Variants in SLC35F2 observed in about 807,000 individuals in gnomAD.
SLC35F2 encodes solute carrier family 35 member F2, also known as queuine/queuosine transporter SLC35F2.
SLC35F2 carries 25 observed loss-of-function variants against 38.1 expected under a neutral mutation model. The ratio of observed to expected loss-of-function variants is 0.66; its 90% CI spans 0.48 to 0.92. The LOEUF (loss-of-function observed/expected upper bound fraction) is 0.92. Among genes scored for constraint, SLC35F2 ranks in the 40% least tolerant of loss-of-function variants. The pLI, the probability that SLC35F2 is intolerant of heterozygous loss-of-function variation, is 0.00. For missense variants in SLC35F2, 409 were observed against 452.9 expected (o/e 0.90, Z 0.88); for synonymous variants, 173 against 181.7 (o/e 0.95, Z 0.38).
At chr11:107,800,503 A>G (rs183194165) in intron 7 of SLC35F2, among the ~76,000 whole-genome samples, 1 of 152,342 alleles carries the variant, frequency 6.6e-6, no homozygotes, top group Non-Finnish European at 1.5e-5. Flanking sequence ...ATTATCAGGT[A>G]ACAGCCAGCA....
In SLC35F2 at chr11:107,829,664, C is replaced by G. The variant is rs536987952; in HGVS notation, c.111-13699G>C. On this transcript the variant is annotated intron_variant, in intron 1 of 7. Transcript: ENST00000525815. ...ACCTCTTGATGGTAGTACATAATAC[C>G]TATGAAATCTCACAAAAAAAAAAAA... Among the ~76,000 whole-genome samples the G allele has an allele frequency of 7.9e-4, 113 of 142,834 alleles. 3 individuals carry two copies. In the South Asian group the frequency reaches 0.024, roughly 31 times the overall value. 93.7% of individuals were successfully genotyped at this position (142,834 alleles called of 152,430 possible).
At chr11:107,814,326 G>A (rs1221483173) in intron 2 of SLC35F2, among the ~76,000 whole-genome samples, 3 of 151,924 alleles carry the variant, frequency 2.0e-5, no homozygotes, top group African/African-American at 4.8e-5. Flanking sequence ...GTGGTGGCAC[G>A]TGCCTGTAAT....
At chr11:107,848,479 T>C (rs1189648169) in intron 1 of SLC35F2, among the ~76,000 whole-genome samples, 1 of 152,140 alleles carries the variant, frequency 6.6e-6, no homozygotes, top group Non-Finnish European at 1.5e-5. Flanking sequence ...TGGGAGATGA[T>C]AAGGTCATGA....
chr11:107,811,795 C>CTTT lies in SLC35F2; in HGVS notation c.287-2_287-1insAAA. On this transcript the variant is annotated splice_acceptor_variant, in intron 2 of 7. Transcript: ENST00000525815. LOFTEE classifies it high-confidence loss of function. ...AAGATTACTAAAAGGTTATCACTGC[C>CTTT]TGGTTGAAAGAAATATGGGTTAGTA... The CTTT allele has an allele frequency of 1.2e-6, 2 of 1,613,352 alleles. No homozygotes were observed. The highest frequency in any genetic ancestry group is 1.7e-6 in the Non-Finnish European group (2 of 1,179,602).
At chr11:107,814,326 G>C (rs1221483173) in intron 2 of SLC35F2, among the ~76,000 whole-genome samples, 1 of 151,924 alleles carries the variant, frequency 6.6e-6, no homozygotes, top group Admixed American at 6.6e-5. Flanking sequence ...GTGGTGGCAC[G>C]TGCCTGTAAT....
intron 1 of SLC35F2, among the ~76,000 whole-genome samples, chr11:107,840,441 G>A (rs1859996587): frequency 6.6e-6 from 1 of 152,208 alleles, no homozygotes; most frequent in South Asian, 2.1e-4. Context: ...GCCCATTGAG[G>A]CAGAACAGAA....
chr11:107,834,590 C>T (rs1859900361), intron 1 of SLC35F2, among the ~76,000 whole-genome samples: 1 of 152,210 alleles, frequency 6.6e-6, no homozygotes, highest in Non-Finnish European at 1.5e-5. Flanking sequence ...GCGGAGGTTG[C>T]AGTGAGCCGA....
intron 7 of SLC35F2, among the ~76,000 whole-genome samples, chr11:107,798,309 G>A (rs529764277): frequency 7.9e-5 from 12 of 152,236 alleles, no homozygotes; most frequent in African/African-American, 2.9e-4. Context: ...CCAGCCTTAA[G>A]TTGGTATTTT....
chr11:107,804,790 TCA>T lies in SLC35F2; in HGVS notation c.732-22_732-21del, dbSNP rs372052211. On this transcript the variant is annotated intron_variant, in intron 5 of 7. Transcript: ENST00000525815. Reference sequence around the variant, plus strand: ...ATCAATCTAAGATTAAAACAAGAGGTCACAGAGAGGTCCACATACTAATTTTC... The same window carrying T: ...ATCAATCTAAGATTAAAACAAGAGGTCAGAGAGGTCCACATACTAATTTTC... 648 of 1,591,110 alleles carry T rather than the reference TCA, an allele frequency of 4.1e-4. 1 individual carries two copies. The African/African-American group carries it at 8.1e-3, about 20-fold the overall frequency.
rs186469257 is a variant in SLC35F2 at position 107,815,604 on chromosome 11, A to C, written c.286+186T>G. 8.1e-3 allele frequency among the ~76,000 whole-genome samples: 1,222 copies of C among 151,668 alleles called. 7 individuals carry two copies. The highest frequency in any genetic ancestry group is 0.017 in the Middle Eastern group (5 of 292). Reference sequence around the variant, plus strand: ...CAACAACACACACACAAAAAAAAAAACACTTTTTTTTTGGACAACTTCTGT... The same window carrying C: ...CAACAACACACACACAAAAAAAAAACCACTTTTTTTTTGGACAACTTCTGT... On this transcript the variant is annotated intron_variant, in intron 2 of 7. Transcript: ENST00000525815.
At chr11:107,846,016 TAAAC>T (rs1265650070) in intron 1 of SLC35F2, among the ~76,000 whole-genome samples, 9 of 151,682 alleles carry the variant, frequency 5.9e-5, no homozygotes, top group African/African-American at 2.2e-4. Context: ...TTATCCAAAA[TAAAC>T]AGCTCAAAAT....
intron 1 of SLC35F2, among the ~76,000 whole-genome samples, chr11:107,839,942 C>T (rs548394343): frequency 1.7e-4 from 26 of 152,256 alleles, no homozygotes; most frequent in African/African-American, 5.8e-4. Flanking sequence ...TGTAAGCCAC[C>T]GTGCCCAACC....
intron 1 of SLC35F2, among the ~76,000 whole-genome samples, chr11:107,832,507 A>G (rs1859860943): frequency 6.6e-6 from 1 of 152,186 alleles, no homozygotes; most frequent in African/African-American, 2.4e-5. Context: ...TCAAACAATG[A>G]GAAATCTATT....
intron 7 of SLC35F2, among the ~76,000 whole-genome samples, chr11:107,794,099 T>A (rs74908097): frequency 2.9e-5 from 4 of 137,074 alleles, no homozygotes; most frequent in Admixed American, 2.2e-4. Context: ...TTTTTTTTTT[T>A]AGACAGAGTT....
chr11:107,802,242 A>AAAAAAAATAAAAAAATAAATAAAT (rs559048077), intron 7 of SLC35F2, among the ~76,000 whole-genome samples: 4 of 147,982 alleles, frequency 2.7e-5, no homozygotes, highest in African/African-American at 1.0e-4. Flanking sequence ...CATCTCAAAA[A>AAAAAAAATAAAAAAATAAATAAAT]AAATAAATAA....
rs369494131 is a variant in SLC35F2, at chr11:107,809,547, A to G, written c.414+2120T>C. On this transcript the variant is annotated intron_variant, in intron 3 of 7. Coordinates refer to ENST00000525815, the MANE Select transcript of SLC35F2 (RefSeq NM_017515.5). ...CTCAGGAGGCTAAGGCAGGAGAATC[A>G]CTTGAACCTGGGAGGCGGAGGCTGC... The G allele has an allele frequency of 4.9e-4, 134 of 272,614 alleles. 1 individual carries two copies. Among genetic ancestry groups the G allele is most frequent in the African/African-American group, 2.9e-3 (127 of 43,504 alleles). The allele number at this position is 272,614 out of a possible 1,614,324, so 16.9% of individuals were successfully genotyped here.
At chr11:107,823,986 T>C (rs908005390) in intron 1 of SLC35F2, 7 of 981,628 alleles carry the variant, frequency 7.1e-6, no homozygotes, top group East Asian at 2.3e-4. Flanking sequence ...TTTCTTTACA[T>C]AGTGAGTAGC....
intron 7 of SLC35F2, among the ~76,000 whole-genome samples, chr11:107,795,694 G>A (rs1049025317): frequency 1.1e-4 from 16 of 152,128 alleles, no homozygotes; most frequent in Non-Finnish European, 2.2e-4. Context: ...AGACATAAAT[G>A]GCCAACAGGT....
At chr11:107,841,187 A>G (rs146004880) in intron 1 of SLC35F2, among the ~76,000 whole-genome samples, 403 of 152,326 alleles carry the variant, frequency 2.6e-3, no homozygotes, top group African/African-American at 9.5e-3. Flanking sequence ...GTTAAGTTGC[A>G]ATGTGTATAG....
Sources: allele counts gnomAD v4.1 joint callset (sites outside exome capture counted in the v4.1 genomes callset), GRCh38; gene constraint gnomAD v4.1.1; transcripts MANE v1.5; gene names NCBI Gene and HGNC (gene_info 2026-07-23, HGNC 2026-07-21).